ITGBL1: variants seen among roughly 807,000 people sequenced by gnomAD.
ITGBL1 encodes the protein integrin beta-like protein 1.
In ITGBL1, 51 loss-of-function variants were observed where a neutral mutation model predicts 68.5. That is an observed-to-expected ratio of 0.74 (90% CI 0.59 to 0.94). ITGBL1 has a LOEUF of 0.94. Ranked by LOEUF, ITGBL1 falls within the 40% of genes least tolerant of loss-of-function variation. The pLI is 0.00. For missense variants in ITGBL1, 649 were observed against 647.4 expected (o/e 1.00, Z -0.03); for synonymous variants, 209 against 227.3 (o/e 0.92, Z 0.72).
At chr13:101,507,285 G>A (rs916577624) in intron 2 of ITGBL1, among the ~76,000 whole-genome samples, 8 of 152,058 alleles carry the variant, frequency 5.3e-5, no homozygotes, top group East Asian at 3.9e-4. Context: ...GCTTTACCCC[G>A]GCACCAAGGA....
intron 2 of ITGBL1, among the ~76,000 whole-genome samples, chr13:101,477,749 A>G (rs188466060): frequency 7.2e-4 from 109 of 152,210 alleles, no homozygotes; most frequent in Non-Finnish European, 1.4e-3. Flanking sequence ...TCCTAGACAC[A>G]TACAACCTAT....
At chr13:101,613,384 T>C (rs2139371409) in intron 7 of ITGBL1, among the ~76,000 whole-genome samples, 1 of 152,112 alleles carries the variant, frequency 6.6e-6, no homozygotes, top group East Asian at 1.9e-4. Context: ...TGAGAAAAAA[T>C]AGACAAGGCA....
chr13:101,563,110 T>C (rs904197799), intron 2 of ITGBL1, among the ~76,000 whole-genome samples: 1 of 150,788 alleles, frequency 6.6e-6, no homozygotes, highest in Non-Finnish European at 1.5e-5. Context: ...TGAATGAAAA[T>C]AAAATATAAC....
intron 7 of ITGBL1, among the ~76,000 whole-genome samples, chr13:101,608,003 C>G (rs2030950302): frequency 6.6e-6 from 1 of 152,006 alleles, no homozygotes; most frequent in African/African-American, 2.4e-5. Context: ...TTTCTTTTAT[C>G]AGACTTGTTC....
intron 7 of ITGBL1, among the ~76,000 whole-genome samples, chr13:101,608,604 T>C (rs2030984928): frequency 6.6e-6 from 1 of 152,106 alleles, no homozygotes; most frequent in Non-Finnish European, 1.5e-5. Context: ...ATCATAAGTT[T>C]GCTGCTGCAG....
At chr13:101,714,877 G>T in intron 10 of ITGBL1, 1 of 297,738 alleles carries the variant, frequency 3.4e-6, no homozygotes, top group South Asian at 5.3e-5. Flanking sequence ...ATTTTACTTT[G>T]AACATGGTAT....
At chr13:101,519,546 T>A (rs2049250703) in intron 2 of ITGBL1, among the ~76,000 whole-genome samples, 1 of 152,102 alleles carries the variant, frequency 6.6e-6, no homozygotes, top group African/African-American at 2.4e-5. Flanking sequence ...TCTTCCCTTC[T>A]TCCTGCTTTC....
intron 3 of ITGBL1, among the ~76,000 whole-genome samples, chr13:101,568,134 G>C (rs1594895031): frequency 6.6e-6 from 1 of 152,074 alleles, no homozygotes; most frequent in Non-Finnish European, 1.5e-5. Context: ...TTGAATACCG[G>C]ATTACATCTG....
At chr13:101,542,358 G>T (rs2049723517) in intron 2 of ITGBL1, among the ~76,000 whole-genome samples, 1 of 152,164 alleles carries the variant, frequency 6.6e-6, no homozygotes, top group African/African-American at 2.4e-5. Flanking sequence ...CCATGTAGTT[G>T]AGCGGTTTTG....
rs199728594 is a variant in ITGBL1 at position 101,567,770 on chromosome 13, A to G, written c.388A>G (p.Thr130Ala). ...GWYGDACQYP[T>A]NCDLTKKKSN... ...GTATGGGGATGCTTGCCAGTACCCA[A>G]CTAACTGTGACTTGACAAAGAAGAA... Residue 130 changes from threonine (T) to alanine (A), a missense_variant, in exon 3 of 11, where the codon ACT becomes GCT. By Grantham distance (58) the Thr-to-Ala change is moderately conservative. Coordinates refer to ENST00000376180, the MANE Select transcript of ITGBL1 (RefSeq NM_004791.3). 43 of 1,613,346 alleles carry G rather than the reference A, an allele frequency of 2.7e-5. No individual in the cohort carries two copies. In the African/African-American group the frequency reaches 4.8e-4, roughly 18 times the overall value.
chr13:101,525,914 C>A (rs16959011), intron 2 of ITGBL1, among the ~76,000 whole-genome samples: 4,658 of 151,904 alleles, frequency 0.031, 246 homozygotes, highest in African/African-American at 0.11. Context: ...CTCTATTTTT[C>A]CAAATCAATA....
chr13:101,715,572 T>C lies in ITGBL1; in HGVS notation c.1403T>C (p.Ile468Thr), dbSNP rs1325514389. The change falls in exon 11 of 11, where the codon ATA becomes ACA. Residue 468 changes from isoleucine (I) to threonine (T), a missense_variant. By Grantham distance (89) the Ile-to-Thr change is moderately conservative (BLOSUM62 -1). Coordinates refer to ENST00000376180, the MANE Select transcript of ITGBL1 (RefSeq NM_004791.3). ...ATGTATTTTATTGCAGGGAATGGAA[T>C]ATGTAGCTGTGGAAACTGTGAATGC... is the stretch of plus-strand genomic sequence containing the variant. ...HDGLICTGNGICSCGNCECWD... is the reference protein window; with the variant it reads ...HDGLICTGNGTCSCGNCECWD... The C allele has an allele frequency of 6.2e-7, 1 of 1,611,316 alleles. No homozygotes were observed. The highest frequency in any genetic ancestry group is 8.5e-7 in the Non-Finnish European group (1 of 1,177,510).
chr13:101,639,270 C>T (rs779344830), intron 7 of ITGBL1, among the ~76,000 whole-genome samples: 3 of 152,116 alleles, frequency 2.0e-5, no homozygotes, highest in Non-Finnish European at 2.9e-5. Flanking sequence ...ATTTTCTACT[C>T]GTGGCCAATA....
At chr13:101,563,130 A>G (rs1362534507) in intron 2 of ITGBL1, among the ~76,000 whole-genome samples, 1 of 151,284 alleles carries the variant, frequency 6.6e-6, no homozygotes, top group East Asian at 1.9e-4. Context: ...CATATCAAAA[A>G]TTTGTGGATT....
At chr13:101,704,354 C>T (rs61965095) in intron 8 of ITGBL1, among the ~76,000 whole-genome samples, 3 of 151,922 alleles carry the variant, frequency 2.0e-5, no homozygotes, top group Non-Finnish European at 4.4e-5. Flanking sequence ...GCTGGAGATA[C>T]AGCCCTGTGG....
chr13:101,544,072 C>T (rs1444930391), intron 2 of ITGBL1, among the ~76,000 whole-genome samples: 2 of 152,222 alleles, frequency 1.3e-5, no homozygotes, highest in African/African-American at 4.8e-5. Flanking sequence ...CATTCTCCAT[C>T]TAGCTTTGTT....
At chr13:101,553,117 A>C (rs2139216711) in intron 2 of ITGBL1, among the ~76,000 whole-genome samples, 2 of 152,324 alleles carry the variant, frequency 1.3e-5, no homozygotes, top group East Asian at 3.9e-4. Flanking sequence ...TAGAAAGAGA[A>C]GTCATGGAGA....
chr13:101,593,999 C>A (rs1311510228), intron 6 of ITGBL1, among the ~76,000 whole-genome samples: 2 of 152,036 alleles, frequency 1.3e-5, no homozygotes, highest in Admixed American at 1.3e-4. Flanking sequence ...ATATATGTAT[C>A]AAAACATCTG....
At chr13:101,489,179 G>A (rs1373355401) in intron 2 of ITGBL1, among the ~76,000 whole-genome samples, 1 of 152,008 alleles carries the variant, frequency 6.6e-6, no homozygotes, top group African/African-American at 2.4e-5. Flanking sequence ...GTCAATCTAC[G>A]GATCCAACAA....
Sources: gnomAD v4.1 joint callset for allele counts (sites outside exome capture counted in the v4.1 genomes callset) on GRCh38, gnomAD v4.1.1 for gene constraint, MANE v1.5 for transcripts, NCBI Gene and HGNC (gene_info 2026-07-23, HGNC 2026-07-21) for gene names.